The following HAPLN1 variants were observed in gnomAD, a reference collection of about 807,000 sequenced individuals.
The protein encoded by HAPLN1 is hyaluronan and proteoglycan link protein 1.
HAPLN1 carries 13 observed loss-of-function variants against 36.5 expected under a neutral mutation model. The ratio of observed to expected loss-of-function variants is 0.36; its 90% CI spans 0.23 to 0.57. The LOEUF is 0.57. Ranked by LOEUF, HAPLN1 falls within the 20% of genes least tolerant of loss-of-function variation. The pLI is 0.83. For missense variants in HAPLN1, 407 were observed against 439.7 expected (o/e 0.93, Z 0.66); for synonymous variants, 202 against 169.8 (o/e 1.19, Z -1.48).
At chr5:83,658,648 T>C (rs1312006023) in intron 2 of HAPLN1, among the ~76,000 whole-genome samples, 1 of 152,158 alleles carries the variant, frequency 6.6e-6, no homozygotes, top group Non-Finnish European at 1.5e-5. Context: ...TTTTGTTTCC[T>C]TAAGACTGGA....
intron 1 of HAPLN1, chr5:83,703,429 A>G (rs558122822): frequency 5.5e-4 from 83 of 152,206 alleles, no homozygotes; most frequent in Non-Finnish European, 1.1e-3. Flanking sequence ...AAAATTCTCT[A>G]CTTTAATATC....
intron 1 of HAPLN1, among the ~76,000 whole-genome samples, chr5:83,680,325 G>A (rs1044814632): frequency 2.0e-5 from 3 of 152,174 alleles, no homozygotes; most frequent in Non-Finnish European, 4.4e-5. Context: ...TGTTTATAAT[G>A]TTCATGTCCA....
chr5:83,708,625 G>A (rs1751704895), intron 1 of HAPLN1, among the ~76,000 whole-genome samples: 4 of 152,106 alleles, frequency 2.6e-5, no homozygotes, highest in Admixed American at 6.5e-5. Flanking sequence ...GACTTAGTAT[G>A]TGGATGATGA....
chr5:83,713,772 C>T (rs1013606580), intron 1 of HAPLN1, among the ~76,000 whole-genome samples: 1 of 152,178 alleles, frequency 6.6e-6, no homozygotes, highest in Non-Finnish European at 1.5e-5. Flanking sequence ...AAAACAGTCA[C>T]ACTATCTCAG....
chr5:83,652,971 T>C (rs924215368), intron 2 of HAPLN1, 147 bp from the exon 3 acceptor site: 2 of 740,776 alleles, frequency 2.7e-6, no homozygotes, highest in African/African-American at 1.8e-5. Flanking sequence ...TTTTGAACCA[T>C]ATAGAAAGGG....
chr5:83,694,054 A>T (rs1300559371), intron 1 of HAPLN1, among the ~76,000 whole-genome samples: 2 of 152,014 alleles, frequency 1.3e-5, no homozygotes, highest in African/African-American at 2.4e-5. Flanking sequence ...GGGTCATAAG[A>T]CAATTCTCAA....
intron 1 of HAPLN1, among the ~76,000 whole-genome samples, chr5:83,715,537 C>A (rs1751898359): frequency 6.6e-6 from 1 of 152,238 alleles, no homozygotes; most frequent in African/African-American, 2.4e-5. Context: ...AATTACTATG[C>A]AACACCTAGC....
At chr5:83,703,503 G>T (rs180952740) in intron 1 of HAPLN1, 1 of 151,960 alleles carries the variant, frequency 6.6e-6, no homozygotes, top group Non-Finnish European at 1.5e-5. Context: ...TGGCCCCTGC[G>T]CAAGGATGAC....
chr5:83,640,162 C>T lies in HAPLN1; in HGVS notation c.*1334G>A, dbSNP rs993862974. On this transcript the variant is annotated 3_prime_UTR_variant, in exon 5 of 5. Coordinates refer to ENST00000274341, the MANE Select transcript of HAPLN1 (RefSeq NM_001884.4). ...TGTAATTTGAATACAAATATTGGTC[C>T]CTGTGGGGTCTCAGCAGTCATAAAA... 1 of 151,960 alleles carries T rather than the reference C, an allele frequency of 6.6e-6. No homozygotes were observed. The highest frequency in any genetic ancestry group is 1.5e-5 in the Non-Finnish European group (1 of 67,948). 9.4% of individuals were successfully genotyped at this position (151,960 alleles called of 1,614,324 possible).
intron 2 of HAPLN1, among the ~76,000 whole-genome samples, chr5:83,667,617 A>G (rs1423900192): frequency 6.6e-6 from 1 of 152,176 alleles, no homozygotes; most frequent in Non-Finnish European, 1.5e-5. Flanking sequence ...ACAGACTCAG[A>G]TAGTTTAAAT....
At chr5:83,681,417 G>A (rs540964675) in intron 1 of HAPLN1, among the ~76,000 whole-genome samples, 1 of 152,100 alleles carries the variant, frequency 6.6e-6, no homozygotes, top group East Asian at 1.9e-4. Context: ...CTATCTCATT[G>A]TTTCTTATCA....
At chr5:83,686,589 G>A (rs1197609074) in intron 1 of HAPLN1, among the ~76,000 whole-genome samples, 1 of 152,146 alleles carries the variant, frequency 6.6e-6, no homozygotes, top group Non-Finnish European at 1.5e-5. Context: ...TTCAGAGACA[G>A]CCATGCCACC....
chr5:83,715,005 G>C (rs1201869259), intron 1 of HAPLN1, among the ~76,000 whole-genome samples: 1 of 152,200 alleles, frequency 6.6e-6, no homozygotes, highest in Non-Finnish European at 1.5e-5. Flanking sequence ...GCTGAAAGGA[G>C]CCAGTAGTTA....
intron 1 of HAPLN1, among the ~76,000 whole-genome samples, chr5:83,693,216 A>G (rs1355620973): frequency 6.6e-6 from 1 of 151,878 alleles, no homozygotes; most frequent in Non-Finnish European, 1.5e-5. Context: ...GCCAAAGAAA[A>G]TAAAATTGCA....
At chr5:83,668,197 A>G (rs1381372156) in intron 2 of HAPLN1, among the ~76,000 whole-genome samples, 1 of 152,232 alleles carries the variant, frequency 6.6e-6, no homozygotes, top group Non-Finnish European at 1.5e-5. Context: ...TTCTTGTGGT[A>G]GAGACAGATG....
At chr5:83,685,605 A>C (rs1296450351) in intron 1 of HAPLN1, among the ~76,000 whole-genome samples, 1 of 152,204 alleles carries the variant, frequency 6.6e-6, no homozygotes, top group African/African-American at 2.4e-5. Context: ...CTTCCTGAGG[A>C]CAAGGACCAT....
chr5:83,678,082 G>A (rs1401578431), intron 1 of HAPLN1, among the ~76,000 whole-genome samples: 2 of 152,122 alleles, frequency 1.3e-5, no homozygotes, highest in Admixed American at 1.3e-4. Flanking sequence ...ACTGGGCTAA[G>A]TTTTTAAGAT....
chr5:83,652,860 A>G, intron 2 of HAPLN1, 36 bp from the exon 3 acceptor site: 1 of 1,487,602 alleles, frequency 6.7e-7, no homozygotes, highest in Non-Finnish European at 9.0e-7. Context: ...GAAAATAACT[A>G]TTAATATACT....
chr5:83,707,137 T>C (rs1751671993), intron 1 of HAPLN1, among the ~76,000 whole-genome samples: 1 of 152,172 alleles, frequency 6.6e-6, no homozygotes, highest in Admixed American at 6.5e-5. Context: ...AATCCATATA[T>C]CATTAAAATG....
Sources: gnomAD v4.1 joint callset for allele counts (sites outside exome capture counted in the v4.1 genomes callset) on GRCh38, gnomAD v4.1.1 for gene constraint, MANE v1.5 for transcripts, NCBI Gene and HGNC (gene_info 2026-07-23, HGNC 2026-07-21) for gene names.